Variants in RBFOX3 observed in about 807,000 individuals in gnomAD.
RBFOX3 encodes the protein RNA binding fox-1 homolog 3, also known as RNA binding protein fox-1 homolog 3.
RBFOX3 carries 17 observed loss-of-function variants against 48.7 expected under a neutral mutation model. The observed-to-expected ratio is 0.35, with a 90% CI of 0.24 to 0.52. The LOEUF (loss-of-function observed/expected upper bound fraction) is 0.52. Ranked by LOEUF, RBFOX3 falls within the 20% of genes least tolerant of loss-of-function variation. RBFOX3 has a pLI of 0.94. For missense variants in RBFOX3, 382 were observed against 497.5 expected (o/e 0.77, Z 2.21); for synonymous variants, 212 against 209.5 (o/e 1.01, Z -0.10).
chr17:79,232,036 A>G (rs1483388001), intron 4 of RBFOX3, among the ~76,000 whole-genome samples: 1 of 152,244 alleles, frequency 6.6e-6, no homozygotes, highest in Non-Finnish European at 1.5e-5. Context: ...GAGCGCAAGC[A>G]GGGAAATACC....
chr17:79,447,027 G>T (rs1466889905), intron 2 of RBFOX3, among the ~76,000 whole-genome samples: 5 of 152,260 alleles, frequency 3.3e-5, no homozygotes, highest in Non-Finnish European at 5.9e-5. Context: ...GGGTGAGGCT[G>T]GGGCCCGTGT....
rs544950582 is a variant in RBFOX3, at chr17:79,242,305, A to G, written c.-73-6500T>C. 6.6e-6 allele frequency among the ~76,000 whole-genome samples: 1 copy of G among 152,044 alleles called. No homozygotes were observed. Among genetic ancestry groups the G allele is most frequent in the South Asian group, 2.1e-4 (1 of 4,794 alleles). On this transcript the variant is annotated intron_variant, in intron 3 of 14. Transcript: ENST00000693108. The surrounding 1 kb of genome is among the most constrained non-coding windows in gnomAD (Gnocchi z 5.8). ...TCCCAGTGCACCACTCTCTTGTGTT[A>G]CTTCAGATTTTATGAAACGATCTGT...
intron 4 of RBFOX3, among the ~76,000 whole-genome samples, chr17:79,140,738 G>T (rs1041671433): frequency 6.6e-6 from 1 of 152,234 alleles, no homozygotes; most frequent in Non-Finnish European, 1.5e-5. Flanking sequence ...TCTAGAAAAG[G>T]CCCGGAGAAG....
At chr17:79,649,778 C>A in the RBFOX3 span, among the ~76,000 whole-genome samples, 3 of 152,286 alleles carry the variant, frequency 2.0e-5, no homozygotes, top group Admixed American at 2.0e-4. Flanking sequence ...GCAGGCTGTA[C>A]AGGAAGCATG....
intron 4 of RBFOX3, among the ~76,000 whole-genome samples, chr17:79,179,184 G>C (rs1280943915): frequency 6.6e-6 from 1 of 152,220 alleles, no homozygotes; most frequent in African/African-American, 2.4e-5. Context: ...CGCTACCTTA[G>C]AGGGAAGAGA....
At chr17:79,641,162 C>T in the RBFOX3 span, among the ~76,000 whole-genome samples, 1 of 152,134 alleles carries the variant, frequency 6.6e-6, no homozygotes, top group East Asian at 1.9e-4. Flanking sequence ...TGACATTTCT[C>T]AAAAGAAGTC....
intron 3 of RBFOX3, among the ~76,000 whole-genome samples, chr17:79,265,642 G>A (rs543073152): frequency 2.4e-4 from 37 of 152,302 alleles, no homozygotes; most frequent in African/African-American, 7.2e-4. Flanking sequence ...TGATGTTAGC[G>A]ACTTTCCAAT....
intron 1 of RBFOX3, among the ~76,000 whole-genome samples, chr17:79,583,464 G>A (rs1237061543): frequency 2.0e-5 from 3 of 152,210 alleles, no homozygotes; most frequent in African/African-American, 7.2e-5. Flanking sequence ...CAAACTTCAG[G>A]GGGCATGTGG....
chr17:79,567,388 T>G (rs2092504570), intron 1 of RBFOX3, among the ~76,000 whole-genome samples: 2 of 152,214 alleles, frequency 1.3e-5, no homozygotes, highest in South Asian at 4.2e-4. Context: ...TTTTACCATG[T>G]TGGCCAGGCT....
intron 2 of RBFOX3, among the ~76,000 whole-genome samples, chr17:79,393,939 A>C (rs149312871): frequency 1.8e-5 from 2 of 110,920 alleles, no homozygotes; most frequent in African/African-American, 6.2e-5. Context: ...CGGTCATCAT[A>C]CACATCATCT....
intron 1 of RBFOX3, among the ~76,000 whole-genome samples, chr17:79,528,854 C>T (rs1169143040): frequency 6.6e-6 from 1 of 152,160 alleles, no homozygotes; most frequent in African/African-American, 2.4e-5. Context: ...GGATGACCGC[C>T]CAGCAGCCCC....
intron 1 of RBFOX3, among the ~76,000 whole-genome samples, chr17:79,560,993 T>C (rs896018231): frequency 1.3e-5 from 2 of 152,180 alleles, no homozygotes; most frequent in Non-Finnish European, 2.9e-5. Context: ...GCCAACTCTA[T>C]GGGCCAGGCT....
intron 1 of RBFOX3, among the ~76,000 whole-genome samples, chr17:79,513,117 A>C (rs1239306587): frequency 4.0e-5 from 6 of 151,438 alleles, no homozygotes; most frequent in Non-Finnish European, 7.4e-5. Flanking sequence ...CAGGGGACAC[A>C]CACCCAGATA....
intron 1 of RBFOX3, among the ~76,000 whole-genome samples, chr17:79,568,169 T>G (rs937563870): frequency 3.8e-4 from 58 of 151,984 alleles, no homozygotes; most frequent in Middle Eastern, 3.4e-3. Context: ...ACATCTAGAG[T>G]ACAAAGACTT....
At chr17:79,122,814 A>G (rs576055923) in intron 4 of RBFOX3, among the ~76,000 whole-genome samples, 106 of 152,326 alleles carry the variant, frequency 7.0e-4, no homozygotes, top group African/African-American at 2.5e-3. Context: ...GTGTCCATCA[A>G]CAGATGAATG....
At chr17:79,105,817 G>A (rs1256191588) in intron 6 of RBFOX3, among the ~76,000 whole-genome samples, 1 of 152,124 alleles carries the variant, frequency 6.6e-6, no homozygotes, top group Non-Finnish European at 1.5e-5. Context: ...TTGGAGGGAG[G>A]GAAGAAACAC....
At chr17:79,595,795 C>T (rs2093554898) in intron 1 of RBFOX3, among the ~76,000 whole-genome samples, 1 of 152,248 alleles carries the variant, frequency 6.6e-6, no homozygotes, top group South Asian at 2.1e-4. Context: ...TTCTGCAAAA[C>T]ATAATTGTGA....
chr17:79,396,732 G>A (rs532864237), intron 2 of RBFOX3, among the ~76,000 whole-genome samples: 18 of 152,270 alleles, frequency 1.2e-4, no homozygotes, highest in East Asian at 7.7e-4. Flanking sequence ...TGTCCCCCTC[G>A]GGCCCCAGGC....
rs2071697767 is a variant in RBFOX3, at chr17:79,443,964, A to G, written c.-175+38490T>C. Among the ~76,000 whole-genome samples the G allele has an allele frequency of 6.6e-6, 1 of 152,150 alleles. No individual in the cohort carries two copies. The highest frequency in any genetic ancestry group is 2.4e-5 in the African/African-American group (1 of 41,420). On this transcript the variant is annotated intron_variant, in intron 2 of 14. Coordinates refer to ENST00000693108, the MANE Select transcript of RBFOX3 (RefSeq NM_001350451.2). The surrounding 1 kb of genome is among the most constrained non-coding windows in gnomAD (Gnocchi z 4.4). ...CACTTCATCTCATGGTGCCTGAGAC[A>G]GGCACTGCCATCCCTCTTCCCATCT...
Sources: allele counts gnomAD v4.1 joint callset (sites outside exome capture counted in the v4.1 genomes callset), GRCh38; gene constraint gnomAD v4.1.1; non-coding constraint Gnocchi (gnomAD v3.1); transcripts MANE v1.5; gene names NCBI Gene and HGNC (gene_info 2026-07-23, HGNC 2026-07-21).